The following MTMR7 variants were observed in gnomAD, a reference collection of about 807,000 sequenced individuals.
MTMR7 encodes phosphatidylinositol-3-phosphate phosphatase MTMR7.
A neutral mutation model predicts 81.2 loss-of-function variants in MTMR7; 76 were observed. The ratio of observed to expected loss-of-function variants is 0.94; its 90% CI spans 0.78 to 1.13. The LOEUF (loss-of-function observed/expected upper bound fraction) is 1.13, where lower values mean the gene tolerates loss of function less well. Among genes scored for constraint, MTMR7 ranks in the 50% most tolerant of loss-of-function variants. The probability of loss-of-function intolerance (pLI) is 0.00; values close to 1 mark genes in which losing one functional copy is unlikely to be tolerated. For synonymous variants in MTMR7, 372 were observed against 289.8 expected (o/e 1.28, Z -2.88); for missense variants, 1,044 against 820.0 (o/e 1.27, Z -3.34).
chr8:17,390,615 T>C (rs545120950), intron 1 of MTMR7, among the ~76,000 whole-genome samples: 4 of 151,846 alleles, frequency 2.6e-5, no homozygotes, highest in African/African-American at 9.7e-5. Context: ...GCTATAAAGA[T>C]AGTACCCAAG....
chr8:17,310,841 T>C (rs1817742189), intron 9 of MTMR7, among the ~76,000 whole-genome samples: 1 of 152,184 alleles, frequency 6.6e-6, no homozygotes. Context: ...TACCAAATCA[T>C]GGTTAAGAGG....
intron 1 of MTMR7, among the ~76,000 whole-genome samples, chr8:17,385,174 T>C (rs917235212): frequency 2.0e-5 from 3 of 152,174 alleles, no homozygotes; most frequent in Non-Finnish European, 4.4e-5. Context: ...TGTGTCCCCA[T>C]CCAAATTTCA....
intron 1 of MTMR7, among the ~76,000 whole-genome samples, chr8:17,388,044 T>C (rs1469034411): frequency 6.6e-6 from 1 of 152,196 alleles, no homozygotes; most frequent in Non-Finnish European, 1.5e-5. Flanking sequence ...TAGAAATTCT[T>C]AGAAAAGGCA....
chr8:17,383,028 G>C (rs932325138), intron 1 of MTMR7, among the ~76,000 whole-genome samples: 2 of 124,182 alleles, frequency 1.6e-5, no homozygotes, highest in African/African-American at 4.4e-5. Flanking sequence ...CCGAGATATG[G>C]GGGGGCCGGG....
At chr8:17,322,975 T>C (rs1818479452) in intron 7 of MTMR7, among the ~76,000 whole-genome samples, 1 of 136,108 alleles carries the variant, frequency 7.3e-6, no homozygotes, top group South Asian at 2.4e-4. Flanking sequence ...TTTGAGACAG[T>C]CTTGCTCTGT....
intron 6 of MTMR7, among the ~76,000 whole-genome samples, chr8:17,337,446 G>C (rs1250984794): frequency 6.6e-6 from 1 of 151,270 alleles, no homozygotes; most frequent in Non-Finnish European, 1.5e-5. Context: ...TCATGAACAA[G>C]GCTGCAGTGA....
At chr8:17,386,256 T>TA (rs575059210) in intron 1 of MTMR7, among the ~76,000 whole-genome samples, 86 of 152,292 alleles carry the variant, frequency 5.6e-4, no homozygotes, top group African/African-American at 2.0e-3. Context: ...CACATGCCTA[T>TA]AGTCCCAGCT....
intron 11 of MTMR7, 34 bp downstream of exon 11, chr8:17,305,722 TA>T (rs1817405274): frequency 6.5e-6 from 10 of 1,544,702 alleles, no homozygotes; most frequent in East Asian, 2.3e-5. Context: ...AATCTTTAAA[TA>T]AAAGTTAAAC....
intron 6 of MTMR7, chr8:17,339,076 A>G (rs1393498370): frequency 2.0e-5 from 3 of 152,220 alleles, no homozygotes; most frequent in African/African-American, 7.2e-5. Context: ...GAAAATCACC[A>G]AGGCCTGAGT....
At chr8:17,412,617 T>TA (rs1821765896) in intron 1 of MTMR7, among the ~76,000 whole-genome samples, 1 of 152,180 alleles carries the variant, frequency 6.6e-6, no homozygotes, top group South Asian at 2.1e-4. Context: ...CTGGTGTTGT[T>TA]AAAACACAAC....
intron 1 of MTMR7, among the ~76,000 whole-genome samples, chr8:17,376,490 G>C (rs1820592909): frequency 6.6e-6 from 1 of 152,210 alleles, no homozygotes; most frequent in Non-Finnish European, 1.5e-5. Flanking sequence ...AAGTCATATA[G>C]TAAGGCTTTT....
At chr8:17,406,052 T>C (rs919239538) in intron 1 of MTMR7, among the ~76,000 whole-genome samples, 4 of 152,190 alleles carry the variant, frequency 2.6e-5, no homozygotes, top group Non-Finnish European at 5.9e-5. Flanking sequence ...TTGAACTAAA[T>C]TTTCTGTAAT....
At chr8:17,348,896 T>G in intron 5 of MTMR7, 57 bp downstream of exon 5, 1 of 1,604,922 alleles carries the variant, frequency 6.2e-7, no homozygotes, top group Non-Finnish European at 8.5e-7. Context: ...AGAAAATGCC[T>G]GCTTATGATA....
intron 1 of MTMR7, among the ~76,000 whole-genome samples, chr8:17,398,567 C>G (rs1258943935): frequency 6.6e-6 from 1 of 152,034 alleles, no homozygotes; most frequent in Non-Finnish European, 1.5e-5. Flanking sequence ...CAGAAAGCCT[C>G]AAACGGGCAA....
chr8:17,306,390 GA>G (rs772416803), intron 10 of MTMR7, among the ~76,000 whole-genome samples: 4,559 of 146,230 alleles, frequency 0.031, 108 homozygotes, highest in Middle Eastern at 0.049. Context: ...AAGACAACTT[GA>G]AAAAAAAAAA....
At chr8:17,388,623 G>C (rs898362441) in intron 1 of MTMR7, among the ~76,000 whole-genome samples, 35 of 152,204 alleles carry the variant, frequency 2.3e-4, no homozygotes, top group African/African-American at 8.2e-4. Flanking sequence ...TAACAGCAAA[G>C]GACGAAACCA....
At chr8:17,373,351 A>G in intron 1 of MTMR7, 111 bp from the exon 2 acceptor site, 1 of 1,328,162 alleles carries the variant, frequency 7.5e-7, no homozygotes, top group African/African-American at 1.5e-5. Flanking sequence ...TTTTTTGAGA[A>G]TTCCCCCAAT....
Position 17,299,137 on chromosome 8 carries a change from G to C in MTMR7, c.*725C>G, listed in dbSNP as rs528817131. ...ATACTTAAATTCATATGTAAGACCA[G>C]GAGAATGAATGTTGCTTCTACCTCG... is the stretch of plus-strand genomic sequence containing the variant. On this transcript the variant is annotated 3_prime_UTR_variant, in exon 14 of 14. Coordinates refer to ENST00000180173, the MANE Select transcript of MTMR7 (RefSeq NM_004686.5). 6.6e-6 allele frequency: 1 copy of C among 152,302 alleles called. No individual in the cohort carries two copies. Among genetic ancestry groups the C allele is most frequent in the African/African-American group, 2.4e-5 (1 of 41,562 alleles). 9.4% of individuals were successfully genotyped at this position (152,302 alleles called of 1,614,324 possible). A position where few individuals can be genotyped will look rare whatever the true frequency, so the allele number is the denominator to read the frequency against.
In MTMR7 at chr8:17,361,085, G is replaced by A; in HGVS notation, c.468+32C>T. ...AAGCTGGCTGAAACCCTAATTTCAT[G>A]CGGCTTCAGTGTTTGGGTTTCACGC... is the stretch of plus-strand genomic sequence containing the variant. On this transcript the variant is annotated intron_variant, in intron 4 of 13. Coordinates refer to ENST00000180173, the MANE Select transcript of MTMR7 (RefSeq NM_004686.5). 2.5e-6 allele frequency: 4 copies of A among 1,611,568 alleles called. No individual in the cohort carries two copies. In the African/African-American group the frequency reaches 4.0e-5, roughly 16 times the overall value.
Sources: allele counts gnomAD v4.1 joint callset (sites outside exome capture counted in the v4.1 genomes callset), GRCh38; gene constraint gnomAD v4.1.1; transcripts MANE v1.5; gene names NCBI Gene and HGNC (gene_info 2026-07-23, HGNC 2026-07-21).